Variants in VAPB observed in about 807,000 individuals in gnomAD.
VAPB encodes VAMP associated protein B and C, also known as vesicle-associated membrane protein-associated protein B/C.
Under a neutral mutation model 25.6 loss-of-function variants are expected in VAPB, and 7 were observed. That is an observed-to-expected ratio of 0.27 (90% CI 0.16 to 0.51). The LOEUF is 0.51. VAPB is among the 20% of genes least tolerant of loss of function. The probability of loss-of-function intolerance (pLI) is 0.97; values close to 1 mark genes in which losing one functional copy is unlikely to be tolerated. For synonymous variants in VAPB, 112 were observed against 109.2 expected (o/e 1.03, Z -0.16); for missense variants, 266 against 301.3 (o/e 0.88, Z 0.87).
chr20:58,407,053 T>C (rs2123037618), intron 1 of VAPB, among the ~76,000 whole-genome samples: 1 of 152,336 alleles, frequency 6.6e-6, no homozygotes, highest in South Asian at 2.1e-4. Context: ...TTAGAACTGA[T>C]GTAAAATTCA....
At position 58,446,898 on chromosome 20, in the gene VAPB, A is replaced by G. The variant is rs1156715039; in HGVS notation, c.*2663A>G. 2.2e-6 allele frequency: 1 copy of G among 454,102 alleles called. No homozygotes were observed. 28.1% of individuals were successfully genotyped at this position (454,102 alleles called of 1,614,324 possible). On this transcript the variant is annotated 3_prime_UTR_variant, in exon 6 of 6. Coordinates refer to ENST00000475243, the MANE Select transcript of VAPB (RefSeq NM_004738.5). ...TGCACATTTAGGGTGTTTTCCCTAG[A>G]ATTACATAATGAAAAAAAGAATAAG...
chr20:58,420,887 G>A (rs973052642), intron 2 of VAPB, among the ~76,000 whole-genome samples: 1 of 152,196 alleles, frequency 6.6e-6, no homozygotes, highest in African/African-American at 2.4e-5. Context: ...GACATGCATA[G>A]CTTGGGATAA....
chr20:58,423,914 AAAG>A (rs1401846259), intron 2 of VAPB, among the ~76,000 whole-genome samples: 2 of 152,234 alleles, frequency 1.3e-5, no homozygotes, highest in Admixed American at 6.5e-5. Context: ...AAAGTAGAAA[AAAG>A]AAAATTACCA....
chr20:58,405,606 C>T (rs954995873), intron 1 of VAPB, among the ~76,000 whole-genome samples: 1 of 151,068 alleles, frequency 6.6e-6, no homozygotes, highest in African/African-American at 2.4e-5. Flanking sequence ...GGGATTATGC[C>T]CAGCTAATTT....
intron 2 of VAPB, among the ~76,000 whole-genome samples, chr20:58,420,722 C>G (rs1988649913): frequency 6.6e-6 from 1 of 152,146 alleles, no homozygotes; most frequent in Non-Finnish European, 1.5e-5. Context: ...GAAAGAGCTC[C>G]TTTGTTATTA....
At chr20:58,442,258 T>A (rs1989178593) in intron 5 of VAPB, among the ~76,000 whole-genome samples, 1 of 152,238 alleles carries the variant, frequency 6.6e-6, no homozygotes, top group African/African-American at 2.4e-5. Context: ...GCAGTGATTT[T>A]GATTTGCCTC....
chr20:58,399,896 C>T (rs1231022650), intron 1 of VAPB, among the ~76,000 whole-genome samples: 1 of 152,148 alleles, frequency 6.6e-6, no homozygotes, highest in Non-Finnish European at 1.5e-5. Context: ...TTCATGTCCT[C>T]AATACCTGTC....
chr20:58,432,474 G>A (rs1988949459), intron 2 of VAPB: 1 of 151,996 alleles, frequency 6.6e-6, no homozygotes, highest in Non-Finnish European at 1.5e-5. Flanking sequence ...AGTAGTTCAG[G>A]TCAAAGTTCT....
intron 1 of VAPB, among the ~76,000 whole-genome samples, chr20:58,407,126 C>G (rs1389561815): frequency 6.6e-6 from 1 of 152,078 alleles, no homozygotes; most frequent in African/African-American, 2.4e-5. Flanking sequence ...ATGTATGAAG[C>G]CTCAGCTCTT....
rs1989375303 is a variant in VAPB at position 58,449,246 on chromosome 20, G to A, written c.*5011G>A. The A allele has an allele frequency of 2.2e-6, 1 of 454,108 alleles. No homozygotes were observed. The highest frequency in any genetic ancestry group is 4.4e-6 in the Non-Finnish European group (1 of 226,792). 28.1% of individuals were successfully genotyped at this position (454,108 alleles called of 1,614,324 possible). ...ACAAGCTCACCCACCCCTGTGCCAG[G>A]GGGCCCTGACCTCCCTCCATGCCAT... On this transcript the variant is annotated 3_prime_UTR_variant, in exon 6 of 6. Transcript: ENST00000475243.
intron 1 of VAPB, among the ~76,000 whole-genome samples, chr20:58,416,634 T>C (rs1304087350): frequency 6.6e-6 from 1 of 152,202 alleles, no homozygotes; most frequent in East Asian, 1.9e-4. Context: ...ATCAAATTTA[T>C]GTTTTCAAAA....
At chr20:58,423,220 T>C (rs1988704023) in intron 2 of VAPB, among the ~76,000 whole-genome samples, 1 of 151,810 alleles carries the variant, frequency 6.6e-6, no homozygotes, top group African/African-American at 2.4e-5. Context: ...GAGACCATCC[T>C]GACCAACATG....
intron 1 of VAPB, among the ~76,000 whole-genome samples, chr20:58,405,525 C>T (rs529452718): frequency 9.9e-5 from 15 of 151,798 alleles, no homozygotes; most frequent in Non-Finnish European, 1.9e-4. Flanking sequence ...TGTAGTGGCG[C>T]GATCTCGGTT....
chr20:58,407,735 G>T (rs1035943039), intron 1 of VAPB, among the ~76,000 whole-genome samples: 2 of 150,484 alleles, frequency 1.3e-5, no homozygotes, highest in Admixed American at 6.6e-5. Context: ...TTAATGTAGT[G>T]TCATGGTGTA....
intron 1 of VAPB, chr20:58,389,990 G>C (rs1297431122): frequency 6.3e-6 from 1 of 158,286 alleles, no homozygotes; most frequent in Non-Finnish European, 1.4e-5. Flanking sequence ...TTCGTGGTCA[G>C]CACGGCACTT....
chr20:58,411,471 A>G (rs975348015), intron 1 of VAPB, among the ~76,000 whole-genome samples: 11 of 152,056 alleles, frequency 7.2e-5, no homozygotes, highest in African/African-American at 2.7e-4. Context: ...CAGTAGAGAC[A>G]GGGTTTCACC....
Position 58,449,500 on chromosome 20 carries a change from AAAGG to A in VAPB, c.*5269_*5272del, listed in dbSNP as rs1265967089. On this transcript the variant is annotated 3_prime_UTR_variant, in exon 6 of 6. Transcript: ENST00000475243. ...AAAATGTCTGTGTTAAATCCGTAGAAAAGGAAGAAAAGTGTAGCAACAAAAATGT... is the reference window on the plus strand; with the variant it reads ...AAAATGTCTGTGTTAAATCCGTAGAAAAGAAAAGTGTAGCAACAAAAATGT... 6.6e-6 allele frequency: 3 copies of A among 453,440 alleles called. No individual in the cohort carries two copies. The highest frequency in any genetic ancestry group is 1.3e-5 in the Non-Finnish European group (3 of 226,602). The allele number at this position is 453,440 out of a possible 1,614,324, so 28.1% of individuals were successfully genotyped here.
At chr20:58,423,177 C>A (rs1037470783) in intron 2 of VAPB, among the ~76,000 whole-genome samples, 1 of 151,802 alleles carries the variant, frequency 6.6e-6, no homozygotes, top group East Asian at 1.9e-4. Context: ...TTTGGGAGGC[C>A]GAGGCAGGCG....
intron 1 of VAPB, among the ~76,000 whole-genome samples, chr20:58,408,163 T>C (rs965875817): frequency 1.7e-4 from 26 of 152,206 alleles, no homozygotes; most frequent in Admixed American, 1.7e-3. Context: ...GCTTCTGGTG[T>C]GCCTTTGATG....
Sources: gnomAD v4.1 joint callset for allele counts (sites outside exome capture counted in the v4.1 genomes callset) on GRCh38, gnomAD v4.1.1 for gene constraint, MANE v1.5 for transcripts, NCBI Gene and HGNC (gene_info 2026-07-23, HGNC 2026-07-21) for gene names.